The following IL4R variants were observed in gnomAD, a reference collection of about 807,000 sequenced individuals.
The protein encoded by IL4R is interleukin 4 receptor.
A neutral mutation model predicts 41.5 loss-of-function variants in IL4R; 17 were observed. That is an observed-to-expected ratio of 0.41 (90% CI 0.28 to 0.61). The LOEUF is 0.61. Ranked by LOEUF, IL4R falls within the 20% of genes least tolerant of loss-of-function variation. The pLI, the probability that IL4R is intolerant of heterozygous loss-of-function variation, is 0.31. For missense variants in IL4R, 974 were observed against 1,043.1 expected (o/e 0.93, Z 0.91); for synonymous variants, 402 against 422.9 (o/e 0.95, Z 0.61).
At chr16:27,354,359 C>T (rs3024626) in intron 7 of IL4R, among the ~76,000 whole-genome samples, 2,331 of 152,308 alleles carry the variant, frequency 0.015, 73 homozygotes, top group African/African-American at 0.053. Context: ...CCGTTGCACA[C>T]TGTCTTACAT....
Position 27,342,151 on chromosome 16 carries a change from G to A in IL4R, c.101G>A (p.Cys34Tyr). 6.2e-7 allele frequency: 1 copy of A among 1,614,198 alleles called. No individual in the cohort carries two copies. The highest frequency in any genetic ancestry group is 8.5e-7 in the Non-Finnish European group (1 of 1,180,024). ...GNMKVLQEPT[C>Y]VSDYMSISTC... ...ATGAAGGTCTTGCAGGAGCCCACCT[G>A]CGTCTCCGACTACATGAGCATCTCT... The change falls in exon 4 of 11, where the codon TGC becomes TAC. Residue 34 changes from cysteine (C) to tyrosine (Y), a missense_variant. Physicochemically the swap from Cys to Tyr is radical, Grantham distance 194. Transcript: ENST00000395762.
In IL4R at chr16:27,362,431, G is replaced by C; in HGVS notation, c.1079G>C (p.Arg360Pro). 6.2e-7 allele frequency: 1 copy of C among 1,614,148 alleles called. No individual in the cohort carries two copies. Residue 360 changes from arginine (R) to proline (P), a missense_variant, in exon 11 of 11, where the codon CGA (arginine) becomes CCA (proline). By Grantham distance (103) the Arg-to-Pro change is moderately radical. Transcript: ENST00000395762. Reference protein sequence around the residue: ...VLWPESISVVRCVELFEAPVE... With the variant: ...VLWPESISVVPCVELFEAPVE... ...TGGCCAGAGAGCATCAGCGTGGTGC[G>C]ATGTGTGGAGTTGTTTGAGGCCCCG...
At chr16:27,328,717 A>G (rs970025897) in intron 1 of IL4R, among the ~76,000 whole-genome samples, 1 of 152,188 alleles carries the variant, frequency 6.6e-6, no homozygotes, top group Non-Finnish European at 1.5e-5. Context: ...GCATTTATAG[A>G]CAAATACATA....
intron 10 of IL4R, 75 bp from the exon 11 acceptor site, chr16:27,362,177 A>T: frequency 6.9e-7 from 1 of 1,447,702 alleles, no homozygotes; most frequent in East Asian, 2.3e-5. Context: ...TGGTGATTTC[A>T]GGCTGGGCTT....
At chr16:27,353,597 G>C (rs3024620) in intron 7 of IL4R, among the ~76,000 whole-genome samples, 137,705 of 152,154 alleles carry the variant, frequency 0.91, 62,611 homozygotes, top group Middle Eastern at 0.96. Flanking sequence ...GACAGGATCA[G>C]TGATGCTGTC....
chr16:27,317,215 A>G (rs561017401), intron 1 of IL4R, among the ~76,000 whole-genome samples: 42 of 152,316 alleles, frequency 2.8e-4, no homozygotes, highest in African/African-American at 9.1e-4. Context: ...AAATGAATAA[A>G]TCTTTACTGT....
chr16:27,321,187 G>A (rs1011259623), intron 1 of IL4R, among the ~76,000 whole-genome samples: 8 of 152,010 alleles, frequency 5.3e-5, no homozygotes, highest in South Asian at 2.1e-4. Flanking sequence ...AGGGTGATCC[G>A]CCCACCTCAG....
intron 2 of IL4R, among the ~76,000 whole-genome samples, chr16:27,334,944 G>A (rs777847440): frequency 4.6e-5 from 7 of 152,178 alleles, no homozygotes; most frequent in South Asian, 2.1e-4. Flanking sequence ...CTGGGGACTC[G>A]GCAGTGAATG....
intron 2 of IL4R, among the ~76,000 whole-genome samples, chr16:27,330,930 AG>A (rs2085097408): frequency 6.6e-6 from 1 of 152,032 alleles, no homozygotes; most frequent in South Asian, 2.1e-4. Context: ...TTTAGGAGCC[AG>A]GGGGCATTGG....
chr16:27,359,573 G>A (rs1281208288), intron 9 of IL4R, among the ~76,000 whole-genome samples: 1 of 149,296 alleles, frequency 6.7e-6, no homozygotes, highest in Admixed American at 6.8e-5. Context: ...AGAAGAGAAG[G>A]TCTGAGGGTC....
At chr16:27,329,474 A>G (rs993804727) in intron 1 of IL4R, among the ~76,000 whole-genome samples, 1 of 151,904 alleles carries the variant, frequency 6.6e-6, no homozygotes, top group Admixed American at 6.6e-5. Context: ...TCAGGAGTTT[A>G]AGACCAGCCT....
Position 27,363,154 on chromosome 16 carries a change from C to A in IL4R, c.1802C>A (p.Ala601Asp). Reference sequence around the variant, plus strand: ...GTGGGCTTGGGTCCCCCAGGAGAGGCTGGTTACAAGGCCTTCTCAAGCCTG... The same window carrying A: ...GTGGGCTTGGGTCCCCCAGGAGAGGATGGTTACAAGGCCTTCTCAAGCCTG... The part of the protein sequence containing the change: ...AVVGLGPPGE[A>D]GYKAFSSLLA... The change falls in exon 11 of 11, where the codon GCT becomes GAT. Residue 601 changes from alanine (A) to aspartate (D), a missense_variant. By Grantham distance (126) the Ala-to-Asp change is moderately radical (BLOSUM62 -2). Around this residue, in one of 3 missense-constraint regions of IL4R, gnomAD observed 682 missense variants for 704.3 expected, o/e 0.97. Coordinates refer to ENST00000395762, the MANE Select transcript of IL4R (RefSeq NM_000418.4). The A allele has an allele frequency of 6.2e-7, 1 of 1,613,134 alleles. No homozygotes were observed. The highest frequency in any genetic ancestry group is 1.7e-4 in the Middle Eastern group (1 of 6,060).
intron 6 of IL4R, among the ~76,000 whole-genome samples, chr16:27,348,960 G>A (rs1596518144): frequency 6.6e-6 from 1 of 152,178 alleles, no homozygotes; most frequent in East Asian, 1.9e-4. Context: ...TATGGCTTAG[G>A]GGTATGTTGG....
chr16:27,336,183 C>T (rs1403234950), intron 2 of IL4R, among the ~76,000 whole-genome samples: 1 of 152,120 alleles, frequency 6.6e-6, no homozygotes, highest in Non-Finnish European at 1.5e-5. Flanking sequence ...TAGCTCGGAA[C>T]ACTTGCATTA....
intron 6 of IL4R, among the ~76,000 whole-genome samples, chr16:27,349,557 T>A (rs1285997530): frequency 6.6e-6 from 1 of 152,182 alleles, no homozygotes; most frequent in East Asian, 1.9e-4. Context: ...GTGTGAAAAT[T>A]CATGGAATGT....
intron 7 of IL4R, chr16:27,355,550 G>A (rs991442661): frequency 2.3e-6 from 1 of 438,530 alleles, no homozygotes; most frequent in African/African-American, 2.0e-5. Context: ...TGTGCTTCCG[G>A]AAAGAAAGAG....
chr16:27,363,954 T>C lies in IL4R; in HGVS notation c.*124T>C. 1 of 1,137,814 alleles carries C rather than the reference T, an allele frequency of 8.8e-7. No individual in the cohort carries two copies. Among genetic ancestry groups the C allele is most frequent in the Non-Finnish European group, 1.2e-6 (1 of 803,142 alleles). The allele number at this position is 1,137,814 out of a possible 1,614,324, so 70.5% of individuals were successfully genotyped here. A position where few individuals can be genotyped will look rare whatever the true frequency, so the allele number is the denominator to read the frequency against. On this transcript the variant is annotated 3_prime_UTR_variant, in exon 11 of 11. Coordinates refer to ENST00000395762, the MANE Select transcript of IL4R (RefSeq NM_000418.4). ...CCAAAAGACTTGAAGAACCATGGTATGAAGGTGATTGGCCCCACTGACGTT... is the reference window on the plus strand; with the variant it reads ...CCAAAAGACTTGAAGAACCATGGTACGAAGGTGATTGGCCCCACTGACGTT...
At chr16:27,315,553 C>T (rs2084620352) in intron 1 of IL4R, 2 of 152,370 alleles carry the variant, frequency 1.3e-5, no homozygotes, top group African/African-American at 4.8e-5. Flanking sequence ...ACCCAGGGAC[C>T]CTGAGCTAGC....
At chr16:27,349,906 C>T (rs144936968) in intron 6 of IL4R, among the ~76,000 whole-genome samples, 105 of 152,290 alleles carry the variant, frequency 6.9e-4, no homozygotes, top group African/African-American at 2.1e-3. Flanking sequence ...CAGGCCACCA[C>T]GCCAGGCTAA....
Sources: allele counts gnomAD v4.1 joint callset (sites outside exome capture counted in the v4.1 genomes callset), GRCh38; gene constraint gnomAD v4.1.1; regional missense constraint gnomAD v4.1.1; transcripts MANE v1.5; gene names NCBI Gene and HGNC (gene_info 2026-07-23, HGNC 2026-07-21).